Variants in LAMC1 observed in about 807,000 individuals in gnomAD.
LAMC1 encodes the protein laminin subunit gamma-1.
A neutral mutation model predicts 173.6 loss-of-function variants in LAMC1; 38 were observed. The ratio of observed to expected loss-of-function variants is 0.22; its 90% confidence interval spans 0.17 to 0.29. The LOEUF is 0.29. Among genes scored for constraint, LAMC1 ranks in the 10% least tolerant of loss-of-function variants. The probability of loss-of-function intolerance (pLI) is 1.00; values close to 1 mark genes in which losing one functional copy is unlikely to be tolerated. For synonymous variants in LAMC1, 746 were observed against 749.1 expected, an observed-to-expected ratio of 1.00 and a Z score of 0.07; for missense variants, 1,824 against 2,051.8, an observed-to-expected ratio of 0.89 and a Z score of 2.14.
intron 1 of LAMC1, among the ~76,000 whole-genome samples, chr1:183,047,455 CTT>C (rs1418950469): frequency 6.6e-6 from 1 of 152,122 alleles, no homozygotes; most frequent in Non-Finnish European, 1.5e-5. Flanking sequence ...TCTTTTGTCT[CTT>C]TCTCTTCAAA....
chr1:183,046,049 T>C (rs977811864), intron 1 of LAMC1, among the ~76,000 whole-genome samples: 2 of 152,112 alleles, frequency 1.3e-5, no homozygotes, highest in African/African-American at 2.4e-5. Context: ...CAGTGTATAA[T>C]TTGTCTTTTA....
intron 1 of LAMC1, among the ~76,000 whole-genome samples, chr1:183,033,476 A>G (rs1653898517): frequency 6.6e-6 from 1 of 152,194 alleles, no homozygotes; most frequent in Admixed American, 6.5e-5. Flanking sequence ...TTCTTTAAGA[A>G]TGTCTTTGTG....
At position 183,137,983 on chromosome 1, in the gene LAMC1, A is replaced by C. The variant is rs895249942; in HGVS notation, c.4473+156A>C. 4 of 673,070 alleles carry C rather than the reference A, an allele frequency of 5.9e-6. No individual in the cohort carries two copies. The African/African-American group carries it at 7.5e-5, about 13-fold the overall frequency. 41.7% of individuals were successfully genotyped at this position (673,070 alleles called of 1,614,324 possible). ...TGGGTTAGTAGCTTACATAGAAGAC[A>C]AAGAATTTGGATCTTCTGCCAGGTA... is the stretch of plus-strand genomic sequence containing the variant. On this transcript the variant is annotated intron_variant, in intron 26 of 27. Coordinates refer to ENST00000258341, the MANE Select transcript of LAMC1 (RefSeq NM_002293.4).
chr1:183,107,136 AC>A (rs1655998197), intron 2 of LAMC1, among the ~76,000 whole-genome samples: 2 of 152,202 alleles, frequency 1.3e-5, no homozygotes. Flanking sequence ...TGGTACACCT[AC>A]CAACTTGATA....
chr1:183,074,390 G>A lies in LAMC1; in HGVS notation c.419-28938G>A, dbSNP rs571593958. Among the ~76,000 whole-genome samples, 103 of 152,302 alleles carry A rather than the reference G, an allele frequency of 6.8e-4. 1 individual carries two copies. The Middle Eastern group carries it at 0.024, about 35-fold the overall frequency. ...AAAAAATACATCATAAAAGTTTACC[G>A]TACAGTGTGTGCACCCTTGGACATG... is the stretch of plus-strand genomic sequence containing the variant. On this transcript the variant is annotated intron_variant, in intron 1 of 27. Coordinates refer to ENST00000258341, the MANE Select transcript of LAMC1 (RefSeq NM_002293.4).
Position 183,125,577 on chromosome 1 carries a change from G to A in LAMC1, c.2801+27G>A, listed in dbSNP as rs112296186. On this transcript the variant is annotated intron_variant, in intron 15 of 27. Coordinates refer to ENST00000258341, the MANE Select transcript of LAMC1 (RefSeq NM_002293.4). ...TGAGACATAGGTGCCTTTGGTGAAA[G>A]TAATCTTTGCTTTTTCTGTTATAAA... 1.2e-3 allele frequency: 1,787 copies of A among 1,490,002 alleles called. 7 individuals carry two copies. The highest frequency in any genetic ancestry group is 1.1e-3 in the South Asian group (85 of 74,690). 92.3% of individuals were successfully genotyped at this position (1,490,002 alleles called of 1,614,324 possible).
chr1:183,128,519 G>A, intron 17 of LAMC1, 75 bp from the exon 18 acceptor site: 5 of 1,273,196 alleles, frequency 3.9e-6, no homozygotes, highest in Non-Finnish European at 5.4e-6. Flanking sequence ...CATGATTCCT[G>A]CAGGAAGTGT....
chr1:183,076,720 T>C (rs1655127866), intron 1 of LAMC1, among the ~76,000 whole-genome samples: 1 of 152,252 alleles, frequency 6.6e-6, no homozygotes, highest in African/African-American at 2.4e-5. Context: ...CCTTCTTTTC[T>C]GCCATTTGTT....
Position 183,057,400 on chromosome 1 carries a change from T to G in LAMC1, c.418+33266T>G, listed in dbSNP as rs1167547992. Among the ~76,000 whole-genome samples the G allele has an allele frequency of 2.0e-5, 3 of 152,236 alleles. No individual in the cohort carries two copies. In the East Asian group the frequency reaches 5.8e-4, roughly 29 times the overall value. On this transcript the variant is annotated intron_variant, in intron 1 of 27. Coordinates refer to ENST00000258341, the MANE Select transcript of LAMC1 (RefSeq NM_002293.4). Reference sequence around the variant, plus strand: ...TCATGAGGCAGGCCAGTCTCTCGTTTCACTAGGTTGCCTGACTCTCTGAAA... The same window carrying G: ...TCATGAGGCAGGCCAGTCTCTCGTTGCACTAGGTTGCCTGACTCTCTGAAA...
chr1:183,046,720 T>A (rs2102019565), intron 1 of LAMC1, among the ~76,000 whole-genome samples: 1 of 152,242 alleles, frequency 6.6e-6, no homozygotes, highest in Middle Eastern at 3.4e-3. Flanking sequence ...ATTGGGTTTA[T>A]ATGTAGGTAG....
intron 1 of LAMC1, among the ~76,000 whole-genome samples, chr1:183,085,819 T>C (rs935498717): frequency 5.3e-5 from 8 of 152,176 alleles, no homozygotes. Context: ...GTGTGGAAAA[T>C]TGGTGATAAT....
chr1:183,089,763 G>A (rs6672306), intron 1 of LAMC1, among the ~76,000 whole-genome samples: 76,184 of 151,950 alleles, frequency 0.5, 19,726 homozygotes, highest in South Asian at 0.64. Flanking sequence ...AATTGAGGCT[G>A]TTCTAGGACA....
In LAMC1 at chr1:183,081,089, A is replaced by C. The variant is rs116258643; in HGVS notation, c.419-22239A>C. 1.1e-4 allele frequency among the ~76,000 whole-genome samples: 17 copies of C among 151,586 alleles called. No individual in the cohort carries two copies. The South Asian group carries it at 3.5e-3, about 32-fold the overall frequency. On this transcript the variant is annotated intron_variant, in intron 1 of 27. Coordinates refer to ENST00000258341, the MANE Select transcript of LAMC1 (RefSeq NM_002293.4). ...TTCTTAGTAGAGATGGGATTTCACT[A>C]TCTTGGCCAGGCTGGTCTTGAACCC...
chr1:183,126,029 CA>C, intron 15 of LAMC1, 90 bp from the exon 16 acceptor site: 1 of 1,227,130 alleles, frequency 8.1e-7, no homozygotes, highest in Non-Finnish European at 1.1e-6. Flanking sequence ...ATACAAGTTA[CA>C]AATTACATCA....
intron 10 of LAMC1, 48 bp from the exon 11 acceptor site, chr1:183,117,986 C>A: frequency 1.8e-6 from 2 of 1,101,180 alleles, no homozygotes; most frequent in East Asian, 4.7e-5. Flanking sequence ...TCCCCAACAT[C>A]CAGAATTGTC....
intron 1 of LAMC1, among the ~76,000 whole-genome samples, chr1:183,063,763 G>A (rs996814605): frequency 6.6e-6 from 1 of 152,158 alleles, no homozygotes; most frequent in African/African-American, 2.4e-5. Context: ...TCATACATCG[G>A]ATGAACTTAT....
intron 25 of LAMC1, among the ~76,000 whole-genome samples, chr1:183,136,931 A>G (rs546280223): frequency 6.6e-6 from 1 of 152,304 alleles, no homozygotes; most frequent in East Asian, 1.9e-4. Context: ...TTTCAATACT[A>G]TGTAGTGTGC....
Position 183,095,864 on chromosome 1 carries a change from G to T in LAMC1, c.419-7464G>T, listed in dbSNP as rs112439684. Among the ~76,000 whole-genome samples, 7 of 152,288 alleles carry T rather than the reference G, an allele frequency of 4.6e-5. 1 individual carries two copies. The South Asian group carries it at 6.2e-4, about 14-fold the overall frequency. ...ATGGCAAAGATGTGCAGATTAGGAT[G>T]AATTTATCGTATGTTTTGATAATGG... On this transcript the variant is annotated intron_variant, in intron 1 of 27. Coordinates refer to ENST00000258341, the MANE Select transcript of LAMC1 (RefSeq NM_002293.4).
rs755521079 is a variant in LAMC1 at position 183,115,573 on chromosome 1, G to A, written c.1264G>A (p.Val422Met). ...SYGRCSCKPG[V>M]MGDKCDRCQP... ...CGGCAGATGCAGCTGTAAGCCAGGA[G>A]TGATGGGGGACAAATGTGACCGTTG... The change falls in exon 6 of 28, where the codon GTG (valine) becomes ATG (methionine). Residue 422 changes from valine (V) to methionine (M), a missense_variant. By Grantham distance (21) the Val-to-Met change is conservative. Coordinates refer to ENST00000258341, the MANE Select transcript of LAMC1 (RefSeq NM_002293.4). 64 of 1,614,158 alleles carry A rather than the reference G, an allele frequency of 4.0e-5. No homozygotes were observed. The South Asian group carries it at 6.5e-4, about 16-fold the overall frequency.
Sources: gnomAD v4.1 joint callset for allele counts (sites outside exome capture counted in the v4.1 genomes callset) on GRCh38, gnomAD v4.1.1 for gene constraint, MANE v1.5 for transcripts, NCBI Gene and HGNC (gene_info 2026-07-23, HGNC 2026-07-21) for gene names.